The following RYR2 variants were observed in gnomAD, a reference collection of about 807,000 sequenced individuals.
RYR2 encodes cardiac muscle ryanodine receptor-calcium release channel.
A neutral mutation model predicts 601.1 loss-of-function variants in RYR2; 227 were observed. The observed-to-expected ratio is 0.38, with a 90% CI of 0.34 to 0.42. The LOEUF (loss-of-function observed/expected upper bound fraction) is 0.42, where lower values mean the gene tolerates loss of function less well. Ranked by LOEUF, RYR2 falls within the 10% of genes least tolerant of loss-of-function variation. The pLI, the probability that RYR2 is intolerant of heterozygous loss-of-function variation, is 1.00. For missense variants in RYR2, 4,646 were observed against 6,156.5 expected, an observed-to-expected ratio of 0.75 and a Z score of 8.21; for synonymous variants, 2,223 against 2,175.1, an observed-to-expected ratio of 1.02 and a Z score of -0.61.
chr1:237,255,849 G>GTGTA (rs897313032), intron 1 of RYR2, among the ~76,000 whole-genome samples: 1 of 151,566 alleles, frequency 6.6e-6, no homozygotes, highest in African/African-American at 2.4e-5. Context: ...GTGTGTGTGT[G>GTGTA]TGTGTGTGTG....
chr1:237,373,010 A>G (rs1281160646), intron 6 of RYR2, among the ~76,000 whole-genome samples: 2 of 152,220 alleles, frequency 1.3e-5, no homozygotes, highest in African/African-American at 2.4e-5. Context: ...TAATAGTTAT[A>G]GGTACAGTGC....
At chr1:237,546,385 G>T (rs989444396) in intron 25 of RYR2, among the ~76,000 whole-genome samples, 6 of 152,010 alleles carry the variant, frequency 3.9e-5, no homozygotes, top group Non-Finnish European at 7.4e-5. Flanking sequence ...TGTTGTTGTT[G>T]TTGTTTTTTT....
At chr1:237,676,964 A>G (rs1261320436) in intron 60 of RYR2, among the ~76,000 whole-genome samples, 1 of 152,168 alleles carries the variant, frequency 6.6e-6, no homozygotes, top group Non-Finnish European at 1.5e-5. Context: ...GCCATTTTGC[A>G]TAATGTGCTT....
chr1:237,385,211 G>A (rs913119725), intron 8 of RYR2, among the ~76,000 whole-genome samples: 4 of 151,768 alleles, frequency 2.6e-5, no homozygotes, highest in African/African-American at 9.7e-5. Flanking sequence ...TAATTTAATT[G>A]GTACATAATT....
chr1:237,786,468 G>A (rs972565424), intron 91 of RYR2, among the ~76,000 whole-genome samples: 1 of 152,176 alleles, frequency 6.6e-6, no homozygotes, highest in Non-Finnish European at 1.5e-5. Context: ...TTAAACCATA[G>A]ACCCAGGACC....
chr1:237,220,702 G>A (rs12353981), intron 1 of RYR2, among the ~76,000 whole-genome samples: 6,582 of 152,276 alleles, frequency 0.043, 208 homozygotes, highest in Middle Eastern at 0.099. Context: ...TTACAGTTGA[G>A]GAAATGCCTG....
intron 1 of RYR2, among the ~76,000 whole-genome samples, chr1:237,053,957 C>T (rs1661613056): frequency 6.6e-6 from 1 of 152,114 alleles, no homozygotes; most frequent in African/African-American, 2.4e-5. Flanking sequence ...GTATATTGGC[C>T]CACATTATTC....
intron 5 of RYR2, among the ~76,000 whole-genome samples, chr1:237,364,656 A>G (rs1571992307): frequency 6.6e-6 from 1 of 152,078 alleles, no homozygotes; most frequent in East Asian, 1.9e-4. Context: ...TCACGTTTAG[A>G]TTTAACAACT....
chr1:237,564,344 C>T (rs1671749903), intron 27 of RYR2, among the ~76,000 whole-genome samples: 2 of 152,118 alleles, frequency 1.3e-5, no homozygotes, highest in African/African-American at 4.8e-5. Flanking sequence ...GGTATCGGCT[C>T]ACTGCATCCT....
At chr1:237,454,203 T>A (rs966707644) in intron 14 of RYR2, among the ~76,000 whole-genome samples, 188 bp from the exon 15 acceptor site, 1 of 152,200 alleles carries the variant, frequency 6.6e-6, no homozygotes, top group African/African-American at 2.4e-5. Context: ...TTTTATAACA[T>A]AACATTGCAC....
intron 1 of RYR2, among the ~76,000 whole-genome samples, chr1:237,267,095 C>G (rs1444951869): frequency 1.3e-5 from 2 of 152,196 alleles, no homozygotes; most frequent in Non-Finnish European, 2.9e-5. Flanking sequence ...GTACATCTCA[C>G]ATACTGATGG....
In RYR2 at chr1:237,148,567, T is replaced by C. The variant is rs1398963826; in HGVS notation, c.48+105998T>C. On this transcript the variant is annotated intron_variant, in intron 1 of 104. Coordinates refer to ENST00000366574, the MANE Select transcript of RYR2 (RefSeq NM_001035.3). Reference sequence around the variant, plus strand: ...ATATATATATATACACACACACATATATATATATATACACACACATATATA... The same window carrying C: ...ATATATATATATACACACACACATACATATATATATACACACACATATATA... Among the ~76,000 whole-genome samples the C allele has an allele frequency of 1.2e-4, 16 of 137,186 alleles. 1 individual carries two copies. The highest frequency in any genetic ancestry group is 4.0e-4 in the African/African-American group (14 of 34,762). The allele number at this position is 137,186 out of a possible 152,430, so 90.0% of individuals were successfully genotyped here.
At chr1:237,093,268 G>A (rs1409088116) in intron 1 of RYR2, among the ~76,000 whole-genome samples, 2 of 152,218 alleles carry the variant, frequency 1.3e-5, no homozygotes, top group African/African-American at 4.8e-5. Flanking sequence ...TGAAGGACAT[G>A]TTGTAGTGAC....
In RYR2 at chr1:237,042,539, G is replaced by C. The variant is rs994965204; in HGVS notation, c.18G>C (p.Glu6Asp). The change falls in exon 1 of 105, where the codon GAG (glutamate) becomes GAC (aspartate). Residue 6 changes from glutamate to aspartate, a missense_variant. Transcript: ENST00000366574. Reference protein sequence around the residue: MADGGEGEDEIQFLRT... With the variant: MADGGDGEDEIQFLRT... ...GCGGAACCATGGCCGATGGGGGCGA[G>C]GGCGAAGACGAGATCCAGTTCCTGC... 1 of 1,259,490 alleles carries C rather than the reference G, an allele frequency of 7.9e-7. No homozygotes were observed. The highest frequency in any genetic ancestry group is 4.0e-5 in the Admixed American group (1 of 24,750). 78.0% of individuals were successfully genotyped at this position (1,259,490 alleles called of 1,614,324 possible).
chr1:237,206,017 G>T (rs988611165), intron 1 of RYR2, among the ~76,000 whole-genome samples: 28 of 152,234 alleles, frequency 1.8e-4, no homozygotes, highest in African/African-American at 6.8e-4. Flanking sequence ...AATGGCTCAG[G>T]AAGTGTGGAT....
intron 56 of RYR2, among the ~76,000 whole-genome samples, chr1:237,662,784 G>A (rs898727751): frequency 4.6e-5 from 7 of 152,248 alleles, no homozygotes; most frequent in African/African-American, 1.2e-4. Context: ...TTTCATATGC[G>A]ATTTCAAAAT....
At chr1:237,382,335 CTT>C (rs1370045372) in intron 8 of RYR2, among the ~76,000 whole-genome samples, 2 of 152,074 alleles carry the variant, frequency 1.3e-5, no homozygotes, top group African/African-American at 4.8e-5. Context: ...CAAAAAATTT[CTT>C]TCTTTCTTAC....
intron 1 of RYR2, among the ~76,000 whole-genome samples, chr1:237,089,914 G>C (rs776367641): frequency 1.3e-5 from 2 of 152,208 alleles, no homozygotes; most frequent in African/African-American, 2.4e-5. Context: ...CTGCTATGAA[G>C]AAATACCCGA....
Position 237,665,384 on chromosome 1 carries a change from C to T in RYR2, c.8437-1128C>T, listed in dbSNP as rs1208345572. Among the ~76,000 whole-genome samples, 6 of 133,362 alleles carry T rather than the reference C, an allele frequency of 4.5e-5. No individual in the cohort carries two copies. The South Asian group carries it at 7.0e-4, about 15-fold the overall frequency. The allele number at this position is 133,362 out of a possible 152,430, so 87.5% of individuals were successfully genotyped here. On this transcript the variant is annotated intron_variant, in intron 56 of 104. Coordinates refer to ENST00000366574, the MANE Select transcript of RYR2 (RefSeq NM_001035.3). ...ACTGCACTCCAGCCTGGTGACAGAG[C>T]GAGACTCTGTCTCAAAAAAAAAAAA...
Sources: allele counts gnomAD v4.1 joint callset (sites outside exome capture counted in the v4.1 genomes callset), GRCh38; gene constraint gnomAD v4.1.1; transcripts MANE v1.5; gene names NCBI Gene and HGNC (gene_info 2026-07-23, HGNC 2026-07-21).